BZW2: variants seen among roughly 807,000 people sequenced by gnomAD.
BZW2 encodes basic leucine zipper and W2 domains 2.
In BZW2, 23 loss-of-function variants were observed where a neutral mutation model predicts 53.2. The observed-to-expected ratio is 0.43, with a 90% CI of 0.31 to 0.61. BZW2 has a LOEUF of 0.61. Among genes scored for constraint, BZW2 ranks in the 20% least tolerant of loss-of-function variants. BZW2 has a pLI of 0.09. For synonymous variants in BZW2, 227 were observed against 186.4 expected, an observed-to-expected ratio of 1.22 and a Z score of -1.77; for missense variants, 409 against 503.1, an observed-to-expected ratio of 0.81 and a Z score of 1.79.
At chr7:16,652,804 C>T (rs1782020771) in intron 1 of BZW2, among the ~76,000 whole-genome samples, 1 of 152,212 alleles carries the variant, frequency 6.6e-6, no homozygotes, top group Non-Finnish European at 1.5e-5. Flanking sequence ...GGATTACAGG[C>T]ATGAGCCACC....
intron 9 of BZW2, 127 bp downstream of exon 9, chr7:16,697,188 C>T: frequency 9.1e-7 from 1 of 1,104,670 alleles, no homozygotes. Flanking sequence ...CTCCTGGGCT[C>T]AAGCCACCCT....
chr7:16,681,637 C>A (rs1385485048), intron 4 of BZW2, among the ~76,000 whole-genome samples: 1 of 152,136 alleles, frequency 6.6e-6, no homozygotes, highest in African/African-American at 2.4e-5. Context: ...TTGTGACCAG[C>A]CTGGCCAACA....
At chr7:16,684,622 T>C (rs1279570427) in intron 5 of BZW2, among the ~76,000 whole-genome samples, 1 of 152,182 alleles carries the variant, frequency 6.6e-6, no homozygotes, top group East Asian at 1.9e-4. Flanking sequence ...ATTTTTATAA[T>C]GGAGGAAAAG....
At chr7:16,685,871 T>A in intron 5 of BZW2, 34 bp from the exon 6 acceptor site, 1 of 1,471,370 alleles carries the variant, frequency 6.8e-7, no homozygotes, top group Non-Finnish European at 8.9e-7. Flanking sequence ...TTTCTTTTTC[T>A]TTTTCTTTTT....
At chr7:16,648,442 G>T (rs1781918896) in intron 1 of BZW2, among the ~76,000 whole-genome samples, 1 of 152,216 alleles carries the variant, frequency 6.6e-6, no homozygotes, top group Non-Finnish European at 1.5e-5. Flanking sequence ...TTGGAATAAT[G>T]ATTTCTGAAA....
At chr7:16,694,672 G>A (rs1390522028) in intron 7 of BZW2, among the ~76,000 whole-genome samples, 162 bp from the exon 8 acceptor site, 1 of 152,096 alleles carries the variant, frequency 6.6e-6, no homozygotes, top group Non-Finnish European at 1.5e-5. Context: ...TTCAGAAGAT[G>A]TTTAGCTCAG....
In BZW2 at chr7:16,668,795, C is replaced by T. The variant is rs550362785; in HGVS notation, c.58+3294C>T. On this transcript the variant is annotated intron_variant, in intron 2 of 11. Transcript: ENST00000258761. ...TTACTGCTTAGCATTAAAATACAAA[C>T]GTCATGGCAGGACACATTATATAAT... Among the ~76,000 whole-genome samples the T allele has an allele frequency of 3.7e-3, 562 of 152,254 alleles. 2 individuals carry two copies. Among genetic ancestry groups the T allele is most frequent in the South Asian group, 0.012 (59 of 4,824 alleles).
At chr7:16,692,689 G>A (rs1352217264) in intron 7 of BZW2, among the ~76,000 whole-genome samples, 4 of 152,106 alleles carry the variant, frequency 2.6e-5, no homozygotes, top group Admixed American at 1.3e-4. Flanking sequence ...GCTTGAACCC[G>A]GGAGGTGGAG....
In BZW2 at chr7:16,689,803, C is replaced by T. The variant is rs572468645; in HGVS notation, c.548C>T (p.Ala183Val). 8 of 1,604,410 alleles carry T rather than the reference C, an allele frequency of 5.0e-6. No homozygotes were observed. The highest frequency in any genetic ancestry group is 2.7e-5 in the African/African-American group (2 of 74,756). Reference protein sequence around the residue: ...FTDSLVKEGIAASFAVKLFKA... With the variant: ...FTDSLVKEGIVASFAVKLFKA... Reference sequence around the variant, plus strand: ...CTCTTTTGTTTTTCAACAGGCATTGCGGCCTCATTTGCTGTCAAGCTTTTC... The same window carrying T: ...CTCTTTTGTTTTTCAACAGGCATTGTGGCCTCATTTGCTGTCAAGCTTTTC... The change falls in exon 7 of 12, where the codon GCG becomes GTG. Residue 183 changes from alanine (A) to valine (V), a missense_variant. Around this residue, in one of 3 missense-constraint regions of BZW2, gnomAD observed 316 missense variants for 366.8 expected, o/e 0.86. Coordinates refer to ENST00000258761, the MANE Select transcript of BZW2 (RefSeq NM_014038.3).
chr7:16,697,104 T>C (rs1199397438), intron 9 of BZW2, 43 bp downstream of exon 9: 47 of 1,590,358 alleles, frequency 3.0e-5, no homozygotes, highest in Non-Finnish European at 3.9e-5. Context: ...AAGGGCAAAC[T>C]GCAGCTTTTT....
At chr7:16,650,914 A>T (rs1781969963) in intron 1 of BZW2, among the ~76,000 whole-genome samples, 1 of 152,234 alleles carries the variant, frequency 6.6e-6, no homozygotes, top group East Asian at 1.9e-4. Flanking sequence ...AAAGATTTGA[A>T]TAACTCATTG....
intron 5 of BZW2, among the ~76,000 whole-genome samples, chr7:16,683,886 C>T (rs1427402269): frequency 6.6e-6 from 1 of 152,174 alleles, no homozygotes; most frequent in Non-Finnish European, 1.5e-5. Context: ...TGCACCCCAC[C>T]CCACCCAGTT....
chr7:16,668,256 G>A (rs1030801412), intron 2 of BZW2, among the ~76,000 whole-genome samples: 12 of 152,198 alleles, frequency 7.9e-5, no homozygotes, highest in African/African-American at 2.9e-4. Context: ...ACGTGAGTCA[G>A]CGAGTAAACT....
chr7:16,652,413 G>A (rs1293077566), intron 1 of BZW2, among the ~76,000 whole-genome samples: 1 of 152,126 alleles, frequency 6.6e-6, no homozygotes, highest in East Asian at 1.9e-4. Context: ...GCTAGAAAGT[G>A]ACCTCCATGA....
chr7:16,665,347 G>GAA, intron 1 of BZW2, 90 bp from the exon 2 acceptor site: 1 of 1,452,622 alleles, frequency 6.9e-7, no homozygotes, highest in Non-Finnish European at 9.6e-7. Context: ...GAGTGAGGTT[G>GAA]AACATATGTT....
rs1242823560 is a variant in BZW2, at chr7:16,706,124, A to G, written c.*36A>G. On this transcript the variant is annotated 3_prime_UTR_variant, in exon 12 of 12. Transcript: ENST00000258761. ...AAGCACAATACCTAGGTTACCACAC[A>G]CCACTTTTTGATTGGGAATGCTGAA... is the stretch of plus-strand genomic sequence containing the variant. The G allele has an allele frequency of 1.2e-6, 2 of 1,605,884 alleles. No individual in the cohort carries two copies. The highest frequency in any genetic ancestry group is 1.7e-5 in the Admixed American group (1 of 59,228).
chr7:16,654,083 C>CAAAAAAAAAAAAAAAAAAAAAAAAAAAAA (rs61590306), intron 1 of BZW2, among the ~76,000 whole-genome samples: 1 of 82,534 alleles, frequency 1.2e-5, no homozygotes, highest in Non-Finnish European at 2.2e-5. Flanking sequence ...CCCATCTCTA[C>CAAAAAAAAAAAAAAAAAAAAAAAAAAAAA]AAAAAAAAAA....
At chr7:16,699,848 C>G (rs905243421) in intron 10 of BZW2, among the ~76,000 whole-genome samples, 3 of 152,138 alleles carry the variant, frequency 2.0e-5, no homozygotes, top group African/African-American at 7.2e-5. Flanking sequence ...GTAAAACTGG[C>G]TACTTTGAGT....
At chr7:16,673,250 C>G (rs1194672354) in intron 2 of BZW2, among the ~76,000 whole-genome samples, 1 of 152,084 alleles carries the variant, frequency 6.6e-6, no homozygotes, top group Non-Finnish European at 1.5e-5. Context: ...CCGGCCTTGT[C>G]TTATCCACTT....
Sources: gnomAD v4.1 joint callset for allele counts (sites outside exome capture counted in the v4.1 genomes callset) on GRCh38, gnomAD v4.1.1 for gene constraint, gnomAD v4.1.1 regional missense constraint, MANE v1.5 for transcripts, NCBI Gene and HGNC (gene_info 2026-07-23, HGNC 2026-07-21) for gene names.